ERN1: variants seen among roughly 807,000 people sequenced by gnomAD.
ERN1 encodes serine/threonine-protein kinase/endoribonuclease IRE1.
ERN1 carries 39 observed loss-of-function variants against 113.1 expected under a neutral mutation model. That is an observed-to-expected ratio of 0.34 (90% CI 0.27 to 0.45). The LOEUF is 0.45. Ranked by LOEUF, ERN1 falls within the 20% of genes least tolerant of loss-of-function variation. ERN1 has a pLI of 1.00. For missense variants in ERN1, 976 were observed against 1,274.8 expected (o/e 0.77, Z 3.57); for synonymous variants, 507 against 515.9 (o/e 0.98, Z 0.23).
At chr17:64,065,665 C>A (rs1448001447) in intron 8 of ERN1, among the ~76,000 whole-genome samples, 1 of 149,574 alleles carries the variant, frequency 6.7e-6, no homozygotes, top group Non-Finnish European at 1.5e-5. Flanking sequence ...TTCACTCCAG[C>A]GATCACTCCA....
chr17:64,127,611 G>A lies in ERN1; in HGVS notation c.54+2365C>T, dbSNP rs535523097. Among the ~76,000 whole-genome samples, 11 of 152,148 alleles carry A rather than the reference G, an allele frequency of 7.2e-5. No individual in the cohort carries two copies. The South Asian group carries it at 8.3e-4, about 11-fold the overall frequency. On this transcript the variant is annotated intron_variant, in intron 1 of 21. Coordinates refer to ENST00000433197, the MANE Select transcript of ERN1 (RefSeq NM_001433.5). Reference sequence around the variant, plus strand: ...TCTACTAAAAATACAAAAATTAGCCGGGTGTAGTGGTGGGCTCCTGTAATC... The same window carrying A: ...TCTACTAAAAATACAAAAATTAGCCAGGTGTAGTGGTGGGCTCCTGTAATC...
chr17:64,103,711 T>C (rs1361931694), intron 1 of ERN1, among the ~76,000 whole-genome samples: 1 of 152,180 alleles, frequency 6.6e-6, no homozygotes, highest in South Asian at 2.1e-4. Context: ...TAACTACTTA[T>C]ATATATTTCA....
chr17:64,080,802 A>C lies in ERN1; in HGVS notation c.182T>G (p.Val61Gly). 1 of 1,610,602 alleles carries C rather than the reference A, an allele frequency of 6.2e-7. No individual in the cohort carries two copies. The highest frequency in any genetic ancestry group is 8.5e-7 in the Non-Finnish European group (1 of 1,178,302). Reference sequence around the variant, plus strand: ...TTCCACATGTGTTGGGACCTGCAGGACTGGATCTGTGCAAAAGAACAACAA... The same window carrying C: ...TTCCACATGTGTTGGGACCTGCAGGCCTGGATCTGTGCAAAAGAACAACAA... ...SIKWTLKEDPVLQVPTHVEEP... is the reference protein window; with the variant it reads ...SIKWTLKEDPGLQVPTHVEEP... Residue 61 changes from valine (V) to glycine (G), a missense_variant, in exon 3 of 22, where the codon GTC becomes GGC. Val to Gly is a moderately radical substitution (Grantham distance 109). Around this residue, in one of 5 missense-constraint regions of ERN1, gnomAD observed 459 missense variants for 581.2 expected, o/e 0.79. Transcript: ENST00000433197.
rs1210859862 is a variant in ERN1, at chr17:64,063,687, T to C, written c.1087+299A>G. Among the ~76,000 whole-genome samples the C allele has an allele frequency of 1.3e-5, 2 of 152,112 alleles. No individual in the cohort carries two copies. The highest frequency in any genetic ancestry group is 4.8e-5 in the African/African-American group (2 of 41,414). ...GTACCTACCTCACACAGGGTTGCTG[T>C]GAGGAGTGAGGAAATGCATTCTAAA... On this transcript the variant is annotated intron_variant, in intron 10 of 21. Transcript: ENST00000433197. The surrounding 1 kb of genome is among the most constrained non-coding windows in gnomAD (Gnocchi z 5.1).
chr17:64,127,444 G>T (rs1915109098), intron 1 of ERN1, among the ~76,000 whole-genome samples: 1 of 152,132 alleles, frequency 6.6e-6, no homozygotes. Context: ...TCACCTATCA[G>T]GAAGGAGTCT....
chr17:64,044,166 C>T lies in ERN1; in HGVS notation c.2756G>A (p.Arg919Gln), dbSNP rs199650082. ...GTCGGGGAGGGACCCCAGCGTCTCC[C>T]GCACCTCTGCAGGCAGCTCCCGGTA... is the stretch of plus-strand genomic sequence containing the variant. ...HHYRELPAEVRETLGSLPDDF... is the reference protein window; with the variant it reads ...HHYRELPAEVQETLGSLPDDF... Residue 919 changes from arginine to glutamine, a missense_variant, in exon 22 of 22, where the codon CGG becomes CAG. Around this residue, in one of 5 missense-constraint regions of ERN1, gnomAD observed 92 missense variants for 87.3 expected, o/e 1.05. Transcript: ENST00000433197. The surrounding 1 kb of genome is among the most constrained non-coding windows in gnomAD (Gnocchi z 4.1). 3.1e-4 allele frequency: 494 copies of T among 1,583,894 alleles called. 2 individuals carry two copies. In the African/African-American group the frequency reaches 5.0e-3, roughly 16 times the overall value.
intron 1 of ERN1, among the ~76,000 whole-genome samples, chr17:64,123,871 C>T (rs954220646): frequency 2.0e-5 from 3 of 152,090 alleles, no homozygotes; most frequent in South Asian, 2.1e-4. Flanking sequence ...AGAAATACTA[C>T]GCAGCCAATT....
At chr17:64,081,577 T>A (rs377210185) in intron 2 of ERN1, among the ~76,000 whole-genome samples, 2 of 152,004 alleles carry the variant, frequency 1.3e-5, no homozygotes, top group African/African-American at 4.8e-5. Context: ...GTACATAGAG[T>A]ATTAATGCAA....
chr17:64,127,019 A>ACAG (rs2143516350), intron 1 of ERN1, among the ~76,000 whole-genome samples: 1 of 152,340 alleles, frequency 6.6e-6, no homozygotes, highest in Non-Finnish European at 1.5e-5. Context: ...GCTGACAGTG[A>ACAG]TGATGTAACC....
At chr17:64,104,014 G>A (rs575018458) in intron 1 of ERN1, among the ~76,000 whole-genome samples, 84 of 152,230 alleles carry the variant, frequency 5.5e-4, no homozygotes, top group African/African-American at 1.9e-3. Context: ...CCAGGCAGGA[G>A]GATTGCTTGA....
chr17:64,122,886 T>C (rs1321659636), intron 1 of ERN1, among the ~76,000 whole-genome samples: 2 of 152,228 alleles, frequency 1.3e-5, no homozygotes, highest in African/African-American at 4.8e-5. Flanking sequence ...TAAGACTGAT[T>C]TCAATAACCC....
At chr17:64,086,511 T>C (rs1334765369) in intron 2 of ERN1, among the ~76,000 whole-genome samples, 1 of 152,154 alleles carries the variant, frequency 6.6e-6, no homozygotes, top group Non-Finnish European at 1.5e-5. Context: ...TGTTTACCTA[T>C]TTACCTGCTG....
chr17:64,102,556 G>A, intron 1 of ERN1: 2 of 714,964 alleles, frequency 2.8e-6, no homozygotes, highest in Non-Finnish European at 3.4e-6. Flanking sequence ...TTCCCCTCTG[G>A]CATTTTTAAA....
At chr17:64,102,620 C>T (rs1914417517) in intron 1 of ERN1, 1 of 967,002 alleles carries the variant, frequency 1.0e-6, no homozygotes, top group Non-Finnish European at 1.2e-6. Flanking sequence ...ATGAATTAAA[C>T]ATGTTTCCAG....
chr17:64,073,852 C>A (rs1913506584), intron 5 of ERN1, among the ~76,000 whole-genome samples: 1 of 152,140 alleles, frequency 6.6e-6, no homozygotes, highest in Non-Finnish European at 1.5e-5. Flanking sequence ...CTATGTTGAC[C>A]AGGCTAGTTT....
intron 6 of ERN1, among the ~76,000 whole-genome samples, chr17:64,070,425 C>T (rs1483856542): frequency 1.3e-5 from 2 of 152,226 alleles, no homozygotes; most frequent in Non-Finnish European, 2.9e-5. Context: ...ACCACAATTT[C>T]ACCTGAGAAT....
intron 6 of ERN1, 95 bp downstream of exon 6, chr17:64,071,886 G>A: frequency 7.3e-7 from 1 of 1,375,386 alleles, no homozygotes; most frequent in Non-Finnish European, 1.0e-6. Flanking sequence ...TTGGAAAAAA[G>A]CAGCTCTGGC....
At position 64,063,827 on chromosome 17, in the gene ERN1, T is replaced by C. The variant is rs1913129310; in HGVS notation, c.1087+159A>G. Reference sequence around the variant, plus strand: ...AACACAGCTACCTTGTTGATTTTCCTTGGGGGTAAAAATGTCCCAAGGTCT... The same window carrying C: ...AACACAGCTACCTTGTTGATTTTCCCTGGGGGTAAAAATGTCCCAAGGTCT... On this transcript the variant is annotated intron_variant, in intron 10 of 21. Coordinates refer to ENST00000433197, the MANE Select transcript of ERN1 (RefSeq NM_001433.5). This position sits in a 1 kb window ranked among gnomAD's most constrained non-coding sequence, Gnocchi z 5.1. Among the ~76,000 whole-genome samples the C allele has an allele frequency of 6.6e-6, 1 of 152,204 alleles. No homozygotes were observed. Among genetic ancestry groups the C allele is most frequent in the African/African-American group, 2.4e-5 (1 of 41,456 alleles).
intron 1 of ERN1, among the ~76,000 whole-genome samples, chr17:64,101,512 T>C (rs1273238127): frequency 1.3e-5 from 2 of 152,176 alleles, no homozygotes; most frequent in Admixed American, 6.5e-5. Flanking sequence ...ATCTGTAGAT[T>C]AGCAAATTTT....
Sources: gnomAD v4.1 joint callset for allele counts (sites outside exome capture counted in the v4.1 genomes callset) on GRCh38, gnomAD v4.1.1 for gene constraint, gnomAD v4.1.1 regional missense constraint, Gnocchi (gnomAD v3.1) non-coding constraint, MANE v1.5 for transcripts, NCBI Gene and HGNC (gene_info 2026-07-23, HGNC 2026-07-21) for gene names.